RPRD1A: variants seen among roughly 807,000 people sequenced by gnomAD.
RPRD1A encodes regulation of nuclear pre-mRNA domain containing 1A.
A neutral mutation model predicts 37.8 loss-of-function variants in RPRD1A; 9 were observed. The observed-to-expected ratio is 0.24, with a 90% CI of 0.14 to 0.42. The LOEUF (loss-of-function observed/expected upper bound fraction) is 0.42. Among genes scored for constraint, RPRD1A ranks in the 10% least tolerant of loss-of-function variants. The pLI is 1.00. For synonymous variants in RPRD1A, 138 were observed against 139.7 expected (o/e 0.99, Z 0.08); for missense variants, 255 against 371.0 (o/e 0.69, Z 2.57).
intron 2 of RPRD1A, among the ~76,000 whole-genome samples, chr18:36,032,136 T>C (rs1911836484): frequency 6.6e-6 from 1 of 152,234 alleles, no homozygotes; most frequent in African/African-American, 2.4e-5. Context: ...GCCCTCATAC[T>C]ATCTAGTTCC....
At chr18:36,057,854 G>A (rs1159987937) in intron 1 of RPRD1A, among the ~76,000 whole-genome samples, 1 of 152,076 alleles carries the variant, frequency 6.6e-6, no homozygotes, top group Non-Finnish European at 1.5e-5. Context: ...CATAAACTAG[G>A]ATAGGTTCCC....
intron 6 of RPRD1A, among the ~76,000 whole-genome samples, chr18:35,997,250 A>G (rs565312975): frequency 1.3e-5 from 2 of 152,268 alleles, no homozygotes; most frequent in South Asian, 2.1e-4. Flanking sequence ...TATATTGAAC[A>G]TTCCCCAATG....
intron 6 of RPRD1A, among the ~76,000 whole-genome samples, chr18:36,018,827 G>C (rs1257564455): frequency 6.6e-6 from 1 of 152,128 alleles, no homozygotes; most frequent in African/African-American, 2.4e-5. Context: ...GGGGCCAGAG[G>C]AATGAGTAGA....
intron 1 of RPRD1A, among the ~76,000 whole-genome samples, chr18:36,048,808 T>C (rs1175004462): frequency 6.6e-6 from 1 of 151,968 alleles, no homozygotes; most frequent in East Asian, 1.9e-4. Flanking sequence ...GGAAATAAAA[T>C]AGAAAAAATT....
intron 1 of RPRD1A, among the ~76,000 whole-genome samples, chr18:36,060,169 C>T (rs906253125): frequency 3.3e-5 from 5 of 152,156 alleles, no homozygotes; most frequent in East Asian, 1.9e-4. Context: ...TGGTGGCTCG[C>T]GCTTGTAATC....
At chr18:36,035,901 A>G (rs1912157627) in intron 1 of RPRD1A, among the ~76,000 whole-genome samples, 1 of 152,120 alleles carries the variant, frequency 6.6e-6, no homozygotes. Flanking sequence ...ATAGAAAAAA[A>G]GAGTAGAAGG....
intron 1 of RPRD1A, among the ~76,000 whole-genome samples, chr18:36,044,932 C>T (rs1912848416): frequency 6.6e-6 from 1 of 151,902 alleles, no homozygotes; most frequent in Non-Finnish European, 1.5e-5. Flanking sequence ...TCCATGAGTT[C>T]AAAATGATAA....
chr18:36,030,948 T>G, intron 3 of RPRD1A, 43 bp from the exon 4 acceptor site: 1 of 1,598,830 alleles, frequency 6.3e-7, no homozygotes, highest in Non-Finnish European at 8.5e-7. Context: ...AGAATACATT[T>G]TAATGAAGAG....
intron 6 of RPRD1A, among the ~76,000 whole-genome samples, chr18:36,019,163 A>C (rs1268435932): frequency 7.2e-6 from 1 of 139,486 alleles, no homozygotes; most frequent in African/African-American, 2.8e-5. Context: ...GCTGGAGTGC[A>C]GTGGCGTGAT....
chr18:36,024,986 TA>T (rs1435468386), intron 6 of RPRD1A: 1 of 152,198 alleles, frequency 6.6e-6, no homozygotes, highest in Admixed American at 6.5e-5. Flanking sequence ...CTTTATAATA[TA>T]AAATCCAGTT....
intron 6 of RPRD1A, among the ~76,000 whole-genome samples, chr18:36,007,726 T>C (rs1909836363): frequency 6.6e-6 from 1 of 151,568 alleles, no homozygotes; most frequent in Admixed American, 6.6e-5. Context: ...GATCACGAGG[T>C]CAAGAGATCA....
Position 36,042,579 on chromosome 18 carries a change from C to T in RPRD1A, c.152-8742G>A, listed in dbSNP as rs149441475. On this transcript the variant is annotated intron_variant, in intron 1 of 6. Coordinates refer to ENST00000399022, the MANE Select transcript of RPRD1A (RefSeq NM_018170.5). ...AAGACAAACTTCCTTAGCACTCATT[C>T]GTACGTTTTTTAAATGTATTGAAGT... Among the ~76,000 whole-genome samples, 660 of 152,300 alleles carry T rather than the reference C, an allele frequency of 4.3e-3. 3 individuals are homozygous for T. The highest frequency in any genetic ancestry group is 6.9e-3 in the Admixed American group (105 of 15,306).
chr18:36,057,422 A>G (rs1166872603), intron 1 of RPRD1A, among the ~76,000 whole-genome samples: 2 of 152,278 alleles, frequency 1.3e-5, no homozygotes, highest in East Asian at 3.9e-4. Flanking sequence ...AGCCTGGGCA[A>G]TATGGCAAAC....
intron 6 of RPRD1A, among the ~76,000 whole-genome samples, chr18:35,995,496 G>A (rs1908992711): frequency 6.6e-6 from 1 of 151,994 alleles, no homozygotes; most frequent in Non-Finnish European, 1.5e-5. Flanking sequence ...TCGAATTCCC[G>A]ACCTCAGGAG....
chr18:36,013,757 A>T (rs1910320006), intron 6 of RPRD1A, among the ~76,000 whole-genome samples: 1 of 152,154 alleles, frequency 6.6e-6, no homozygotes, highest in Non-Finnish European at 1.5e-5. Flanking sequence ...AGTAAAAAAA[A>T]GTTTTTTTAC....
At chr18:36,035,368 C>T (rs2144312162) in intron 1 of RPRD1A, among the ~76,000 whole-genome samples, 2 of 152,320 alleles carry the variant, frequency 1.3e-5, no homozygotes, top group East Asian at 1.9e-4. Flanking sequence ...AAGCACTTTA[C>T]ATACATTATC....
intron 6 of RPRD1A, among the ~76,000 whole-genome samples, chr18:35,999,690 T>C (rs1304607208): frequency 6.6e-6 from 1 of 152,082 alleles, no homozygotes; most frequent in Non-Finnish European, 1.5e-5. Flanking sequence ...GGATCTTTAG[T>C]GGTCAATTAA....
intron 1 of RPRD1A, among the ~76,000 whole-genome samples, chr18:36,035,160 C>T (rs1477949322): frequency 6.6e-6 from 1 of 152,152 alleles, no homozygotes; most frequent in Non-Finnish European, 1.5e-5. Context: ...CTCTTTTGTA[C>T]CCATCCTTGC....
intron 2 of RPRD1A, among the ~76,000 whole-genome samples, chr18:36,032,521 G>A (rs1381890931): frequency 1.3e-5 from 2 of 152,116 alleles, no homozygotes; most frequent in Non-Finnish European, 2.9e-5. Flanking sequence ...AAACAAATGG[G>A]AACCACTCAA....
Sources: allele counts gnomAD v4.1 joint callset (sites outside exome capture counted in the v4.1 genomes callset), GRCh38; gene constraint gnomAD v4.1.1; transcripts MANE v1.5; gene names NCBI Gene and HGNC (gene_info 2026-07-23, HGNC 2026-07-21).